The following RSPH1 variants were observed in gnomAD, a reference collection of about 807,000 sequenced individuals.
RSPH1 encodes the protein radial spoke head component 1.
Under a neutral mutation model 44.2 loss-of-function variants are expected in RSPH1, and 32 were observed. The ratio of observed to expected loss-of-function variants is 0.72; its 90% CI spans 0.55 to 0.97. The LOEUF is 0.97. RSPH1 is among the 50% of genes least tolerant of loss of function. The probability of loss-of-function intolerance (pLI) is 0.00; values close to 1 mark genes in which losing one functional copy is unlikely to be tolerated. For missense variants in RSPH1, 391 were observed against 398.7 expected (o/e 0.98, Z 0.16); for synonymous variants, 134 against 147.3 (o/e 0.91, Z 0.65).
rs747395137 is a variant in RSPH1, at chr21:42,477,367, C to G, written c.651G>C (p.Leu217Phe). The G allele has an allele frequency of 1.9e-6, 3 of 1,610,898 alleles. No individual in the cohort carries two copies. Among genetic ancestry groups the G allele is most frequent in the Non-Finnish European group, 2.5e-6 (3 of 1,178,762 alleles). ...PKWKATQITE[L>F]ALWTPTLPKK... ...TGGGGAGAGTTGGTGTCCACAGGGC[C>G]AATTCAGTGATTTGGGTAGCTTTCC... Residue 217 changes from leucine (L) to phenylalanine (F), a missense_variant, in exon 7 of 9, where the codon TTG becomes TTC. Leu to Phe is a conservative substitution (Grantham distance 22). Transcript: ENST00000291536.
chr21:42,483,110 A>C (rs771735990), intron 5 of RSPH1, among the ~76,000 whole-genome samples: 3 of 152,194 alleles, frequency 2.0e-5, no homozygotes, highest in Non-Finnish European at 2.9e-5. Flanking sequence ...ACTGAGAAAT[A>C]TGGCATGAAC....
intron 3 of RSPH1, among the ~76,000 whole-genome samples, chr21:42,487,250 C>T (rs1028201367): frequency 6.6e-6 from 1 of 152,214 alleles, no homozygotes; most frequent in African/African-American, 2.4e-5. Flanking sequence ...TGAATCCCTG[C>T]ACTAGAAAAC....
chr21:42,489,324 G>T (rs554547389), intron 3 of RSPH1, among the ~76,000 whole-genome samples: 1 of 152,148 alleles, frequency 6.6e-6, no homozygotes, highest in African/African-American at 2.4e-5. Context: ...TGGTTAGACA[G>T]TTGGTTGGTT....
chr21:42,483,213 C>T (rs537376817), intron 5 of RSPH1, among the ~76,000 whole-genome samples: 1 of 151,386 alleles, frequency 6.6e-6, no homozygotes, highest in South Asian at 2.1e-4. Flanking sequence ...TACTCAGTTA[C>T]TATTGTTGGT....
rs199719695 is a variant in RSPH1, at chr21:42,472,891, T to C, written c.878-21A>G. 8 of 1,534,350 alleles carry C rather than the reference T, an allele frequency of 5.2e-6. No individual in the cohort carries two copies. In the East Asian group the frequency reaches 1.6e-4, roughly 30 times the overall value. ...GTTTCCTGAAAAGAAAAGAGAAACATGAGTATATCTCATATTTACTTTGTT... is the reference window on the plus strand; with the variant it reads ...GTTTCCTGAAAAGAAAAGAGAAACACGAGTATATCTCATATTTACTTTGTT... On this transcript the variant is annotated intron_variant, in intron 8 of 8. Coordinates refer to ENST00000291536, the MANE Select transcript of RSPH1 (RefSeq NM_080860.4).
At chr21:42,493,332 G>A (rs2054255703) in intron 1 of RSPH1, among the ~76,000 whole-genome samples, 1 of 152,150 alleles carries the variant, frequency 6.6e-6, no homozygotes, top group South Asian at 2.1e-4. Flanking sequence ...CCAACACAGA[G>A]CTTGCAATTC....
intron 6 of RSPH1, among the ~76,000 whole-genome samples, chr21:42,480,547 G>A (rs2054115641): frequency 6.7e-6 from 1 of 149,588 alleles, no homozygotes; most frequent in South Asian, 2.1e-4. Context: ...GGCTGAGACA[G>A]GAGAATCGCT....
intron 7 of RSPH1, among the ~76,000 whole-genome samples, chr21:42,477,068 A>ACTCCACAGCCCGGGGGTG (rs2054065983): frequency 9.1e-6 from 1 of 110,456 alleles, no homozygotes; most frequent in African/African-American, 3.9e-5. Context: ...TGCCCCCTCC[A>ACTCCACAGCCCGGGGGTG]CCCCACAGCC....
At chr21:42,476,167 C>A in intron 7 of RSPH1, 120 bp from the exon 8 acceptor site, 1 of 939,570 alleles carries the variant, frequency 1.1e-6, no homozygotes, top group Non-Finnish European at 1.6e-6. Context: ...ACTGGCAGCA[C>A]CTCATGTTCC....
intron 4 of RSPH1, chr21:42,486,078 A>G (rs2054177546): frequency 1.7e-6 from 1 of 578,538 alleles, no homozygotes; most frequent in South Asian, 2.1e-5. Context: ...AGCTAGTGGG[A>G]GCTGTGGCTC....
chr21:42,495,247 C>T (rs1415237085), intron 1 of RSPH1, among the ~76,000 whole-genome samples: 3 of 152,202 alleles, frequency 2.0e-5, no homozygotes, highest in Non-Finnish European at 2.9e-5. Flanking sequence ...GTAGTTCCAG[C>T]GCACAGAGGT....
At chr21:42,487,935 A>C (rs1419824701) in intron 3 of RSPH1, among the ~76,000 whole-genome samples, 5 of 152,260 alleles carry the variant, frequency 3.3e-5, no homozygotes, top group Non-Finnish European at 7.3e-5. Context: ...TACAAAGGAC[A>C]GTGCATGTCC....
intron 8 of RSPH1, 111 bp from the exon 9 acceptor site, chr21:42,472,981 C>A: frequency 1.4e-6 from 1 of 696,348 alleles, no homozygotes; most frequent in Non-Finnish European, 2.4e-6. Context: ...AACTATTAAG[C>A]ATTCATCAGT....
At chr21:42,483,589 T>A (rs897842888) in intron 5 of RSPH1, among the ~76,000 whole-genome samples, 2 of 152,182 alleles carry the variant, frequency 1.3e-5, no homozygotes, top group Non-Finnish European at 2.9e-5. Flanking sequence ...ACTTTATATA[T>A]TAAATGTTGC....
chr21:42,481,651 A>G (rs1381092057), intron 6 of RSPH1, among the ~76,000 whole-genome samples: 2 of 152,248 alleles, frequency 1.3e-5, no homozygotes, highest in Non-Finnish European at 2.9e-5. Context: ...AACTTCTTAC[A>G]GTGAGAATGA....
At chr21:42,495,920 T>G (rs1453234260) in intron 1 of RSPH1, 1 of 555,020 alleles carries the variant, frequency 1.8e-6, no homozygotes, top group Non-Finnish European at 3.3e-6. Flanking sequence ...CGAGGCGGCA[T>G]GTGGTAACCA....
chr21:42,480,881 G>A (rs1339965523), intron 6 of RSPH1, among the ~76,000 whole-genome samples: 2 of 152,116 alleles, frequency 1.3e-5, no homozygotes, highest in African/African-American at 4.8e-5. Flanking sequence ...CTGTGACCAA[G>A]GATAGCTTTC....
rs1188422759 is a variant in RSPH1, at chr21:42,472,547, C to T, written c.*271G>A. Reference sequence around the variant, plus strand: ...ATTTGTCAATCAACTTAACATACAGCTGAGAAAGAAAGACTAAAAACCCTC... The same window carrying T: ...ATTTGTCAATCAACTTAACATACAGTTGAGAAAGAAAGACTAAAAACCCTC... On this transcript the variant is annotated 3_prime_UTR_variant, in exon 9 of 9. Transcript: ENST00000291536. The T allele has an allele frequency of 3.4e-6, 1 of 292,008 alleles. No individual in the cohort carries two copies. The highest frequency in any genetic ancestry group is 2.2e-5 in the African/African-American group (1 of 45,658). The allele number at this position is 292,008 out of a possible 1,614,324, so 18.1% of individuals were successfully genotyped here. A position where few individuals can be genotyped will look rare whatever the true frequency, so the allele number is the denominator to read the frequency against.
intron 8 of RSPH1, among the ~76,000 whole-genome samples, chr21:42,475,567 CA>C (rs549479473): frequency 0.013 from 1,453 of 111,966 alleles, 17 homozygotes; most frequent in African/African-American, 0.034. Context: ...GACTCCATCT[CA>C]AAAAAAAAAA....
Sources: allele counts gnomAD v4.1 joint callset (sites outside exome capture counted in the v4.1 genomes callset), GRCh38; gene constraint gnomAD v4.1.1; transcripts MANE v1.5; gene names NCBI Gene and HGNC (gene_info 2026-07-23, HGNC 2026-07-21).